The following TOX variants were observed in gnomAD, a reference collection of about 807,000 sequenced individuals.
TOX encodes thymocyte selection-associated high mobility group box protein TOX.
Under a neutral mutation model 53.7 loss-of-function variants are expected in TOX, and 11 were observed. The observed-to-expected ratio is 0.20, with a 90% confidence interval of 0.13 to 0.34. The LOEUF (loss-of-function observed/expected upper bound fraction) is 0.34, where lower values mean the gene tolerates loss of function less well. Ranked by LOEUF, TOX falls within the 10% of genes least tolerant of loss-of-function variation. The pLI is 1.00. For missense variants in TOX, 570 were observed against 664.6 expected (o/e 0.86, Z 1.56); for synonymous variants, 225 against 245.3 (o/e 0.92, Z 0.77).
chr8:59,102,802 G>GAA (rs2129424493), intron 1 of TOX, among the ~76,000 whole-genome samples: 1 of 152,234 alleles, frequency 6.6e-6, no homozygotes, highest in East Asian at 1.9e-4. Context: ...GAAGAAGGGA[G>GAA]GAAAGAAGGA....
intron 1 of TOX, among the ~76,000 whole-genome samples, chr8:59,026,535 G>T (rs117723258): frequency 0.021 from 3,246 of 152,212 alleles, 63 homozygotes; most frequent in South Asian, 0.082. Flanking sequence ...TCTGATAAAT[G>T]AGCTATTTTC....
intron 3 of TOX, among the ~76,000 whole-genome samples, chr8:58,882,163 A>G (rs1475750228): frequency 6.6e-6 from 1 of 152,128 alleles, no homozygotes; most frequent in Admixed American, 6.5e-5. Context: ...AAACACTTTC[A>G]TTTTCCAGTT....
intron 2 of TOX, among the ~76,000 whole-genome samples, chr8:58,950,408 T>TGC (rs1304220687): frequency 6.6e-5 from 10 of 152,182 alleles, no homozygotes; most frequent in African/African-American, 2.4e-4. Flanking sequence ...GCTCTTGGTT[T>TGC]GCCTCCTCAA....
At chr8:59,092,264 T>TGTATATATATATA (rs1174716509) in intron 1 of TOX, among the ~76,000 whole-genome samples, 1 of 51,888 alleles carries the variant, frequency 1.9e-5, no homozygotes, top group Admixed American at 2.1e-4. Context: ...ATATATATAT[T>TGTATATATATATA]TTATATATAT....
chr8:58,904,992 G>A (rs1811788656), intron 3 of TOX, among the ~76,000 whole-genome samples: 1 of 152,156 alleles, frequency 6.6e-6, no homozygotes, highest in Non-Finnish European at 1.5e-5. Flanking sequence ...CTGTAGAGTG[G>A]TACGATCTTG....
chr8:58,836,923 T>TGAATG (rs1240486060), intron 5 of TOX, among the ~76,000 whole-genome samples: 1 of 152,208 alleles, frequency 6.6e-6, no homozygotes. Flanking sequence ...GTTGAATAAA[T>TGAATG]GAATGAATTT....
chr8:58,969,228 A>T (rs1186759119), intron 1 of TOX, among the ~76,000 whole-genome samples: 1 of 152,194 alleles, frequency 6.6e-6, no homozygotes, highest in African/African-American at 2.4e-5. Context: ...CCATTTTTTA[A>T]GAGATATTTG....
At chr8:59,095,138 GATTTTGTTA>G (rs1804693511) in intron 1 of TOX, among the ~76,000 whole-genome samples, 1 of 152,118 alleles carries the variant, frequency 6.6e-6, no homozygotes, top group African/African-American at 2.4e-5. Context: ...TATCATTCAT[GATTTTGTTA>G]ATTTTGTTGA....
chr8:58,914,842 C>T (rs199980090), intron 3 of TOX, among the ~76,000 whole-genome samples: 7 of 151,654 alleles, frequency 4.6e-5, no homozygotes, highest in African/African-American at 1.5e-4. Context: ...CCAGTGTGTG[C>T]GCGCACCGTG....
At chr8:59,023,963 A>G (rs1275409643) in intron 1 of TOX, among the ~76,000 whole-genome samples, 2 of 152,218 alleles carry the variant, frequency 1.3e-5, no homozygotes, top group African/African-American at 4.8e-5. Flanking sequence ...ATGGAAGAAA[A>G]GAGTTTATAG....
chr8:59,044,849 A>G (rs1779578441), intron 1 of TOX, among the ~76,000 whole-genome samples: 1 of 152,250 alleles, frequency 6.6e-6, no homozygotes, highest in Admixed American at 6.5e-5. Context: ...TATCAAACAC[A>G]AGAAAGCATA....
At chr8:58,960,555 C>T (rs1315050197) in intron 1 of TOX, among the ~76,000 whole-genome samples, 4 of 152,126 alleles carry the variant, frequency 2.6e-5, no homozygotes, top group African/African-American at 4.8e-5. Context: ...GCATGTGTCA[C>T]TACAACCATG....
At chr8:58,833,843 G>A (rs1174891920) in intron 5 of TOX, among the ~76,000 whole-genome samples, 1 of 152,156 alleles carries the variant, frequency 6.6e-6, no homozygotes, top group Non-Finnish European at 1.5e-5. Context: ...GATATGTGGA[G>A]TTTGTTCAGT....
At chr8:58,884,868 A>G (rs1474611407) in intron 3 of TOX, among the ~76,000 whole-genome samples, 2 of 152,208 alleles carry the variant, frequency 1.3e-5, no homozygotes, top group Non-Finnish European at 1.5e-5. Flanking sequence ...GCATAATAAT[A>G]TGCACTGTAA....
chr8:59,109,078 T>C (rs1804966298), intron 1 of TOX, among the ~76,000 whole-genome samples: 1 of 152,222 alleles, frequency 6.6e-6, no homozygotes, highest in Non-Finnish European at 1.5e-5. Flanking sequence ...GATTAATTTC[T>C]TAGATTTTAA....
chr8:58,952,825 T>C (rs542658212), intron 2 of TOX, among the ~76,000 whole-genome samples: 2 of 152,296 alleles, frequency 1.3e-5, no homozygotes, highest in East Asian at 3.9e-4. Flanking sequence ...ATGAACCTTA[T>C]ATTCACAAAT....
intron 1 of TOX, among the ~76,000 whole-genome samples, chr8:59,113,505 A>G (rs1805054328): frequency 6.6e-6 from 1 of 152,212 alleles, no homozygotes; most frequent in Non-Finnish European, 1.5e-5. Context: ...CAAATAGAAA[A>G]TGGAATCAGG....
chr8:58,856,770 T>G (rs1212664986), intron 3 of TOX, among the ~76,000 whole-genome samples: 1 of 151,180 alleles, frequency 6.6e-6, no homozygotes, highest in African/African-American at 2.4e-5. Context: ...TTCAAGTTCC[T>G]GCTGGCAAAA....
chr8:58,978,170 G>C (rs1585938036), intron 1 of TOX, among the ~76,000 whole-genome samples: 2 of 152,254 alleles, frequency 1.3e-5, no homozygotes, highest in African/African-American at 4.8e-5. Flanking sequence ...GGAGTCTCAG[G>C]AAAGAGTGGA....
Sources: gnomAD v4.1 joint callset for allele counts (sites outside exome capture counted in the v4.1 genomes callset) on GRCh38, gnomAD v4.1.1 for gene constraint, MANE v1.5 for transcripts, NCBI Gene and HGNC (gene_info 2026-07-23, HGNC 2026-07-21) for gene names.